LHCGR: variants seen among roughly 807,000 people sequenced by gnomAD.
LHCGR encodes luteinizing hormone/choriogonadotropin receptor.
A neutral mutation model predicts 60.7 loss-of-function variants in LHCGR; 55 were observed. That is an observed-to-expected ratio of 0.91 (90% CI 0.73 to 1.13). The LOEUF (loss-of-function observed/expected upper bound fraction) is 1.13. Ranked by LOEUF, LHCGR falls within the 50% of genes most tolerant of loss-of-function variation. The pLI is 0.00. For missense variants in LHCGR, 862 were observed against 836.0 expected, an observed-to-expected ratio of 1.03 and a Z score of -0.38; for synonymous variants, 337 against 316.5, an observed-to-expected ratio of 1.06 and a Z score of -0.69.
chr2:48,727,034 G>A lies in LHCGR; in HGVS notation c.309-1284C>T, dbSNP rs149529556. Among the ~76,000 whole-genome samples the A allele has an allele frequency of 6.8e-3, 1,031 of 152,190 alleles. 12 individuals carry two copies. The highest frequency in any genetic ancestry group is 0.024 in the African/African-American group (990 of 41,518). On this transcript the variant is annotated intron_variant, in intron 3 of 10. Coordinates refer to ENST00000294954, the MANE Select transcript of LHCGR (RefSeq NM_000233.4). ...TCAGCCCTTTTGATTCTTCAGATGT[G>A]AGTGATATTTTGTTGTAATTATTTC...
intron 6 of LHCGR, among the ~76,000 whole-genome samples, chr2:48,716,524 A>C (rs1371590038): frequency 6.6e-6 from 1 of 152,110 alleles, no homozygotes; most frequent in Non-Finnish European, 1.5e-5. Context: ...TCAGTTTCAC[A>C]TACTAGCTCT....
intron 6 of LHCGR, among the ~76,000 whole-genome samples, chr2:48,718,138 G>C (rs545286364): frequency 5.2e-4 from 79 of 152,036 alleles, no homozygotes; most frequent in African/African-American, 1.8e-3. Flanking sequence ...AATGAGGAAG[G>C]CTTCCTTTGC....
chr2:48,687,791 C>G lies in LHCGR; in HGVS notation c.2006G>C (p.Gly669Ala). The change falls in exon 11 of 11, where the codon GGA becomes GCA. Residue 669 changes from glycine to alanine, a missense_variant. Gly to Ala is a moderately conservative substitution (Grantham distance 60). Coordinates refer to ENST00000294954, the MANE Select transcript of LHCGR (RefSeq NM_000233.4). ...YTSNCKNGFT[G>A]SNKPSQSTLK... ...GGTGGATTGAGAAGGCTTATTTGATCCAGTGAAGCCATTTTTGCAGTTGGA... is the reference window on the plus strand; with the variant it reads ...GGTGGATTGAGAAGGCTTATTTGATGCAGTGAAGCCATTTTTGCAGTTGGA... 4.3e-6 allele frequency: 7 copies of G among 1,614,098 alleles called. No homozygotes were observed. The highest frequency in any genetic ancestry group is 5.9e-6 in the Non-Finnish European group (7 of 1,179,978).
chr2:48,708,498 T>C (rs565841174), intron 8 of LHCGR, among the ~76,000 whole-genome samples: 41 of 152,194 alleles, frequency 2.7e-4, no homozygotes, highest in South Asian at 8.3e-4. Context: ...TGGGCTCTAA[T>C]CCAATATGAC....
At chr2:48,718,212 A>G (rs971635850) in intron 6 of LHCGR, among the ~76,000 whole-genome samples, 2 of 152,138 alleles carry the variant, frequency 1.3e-5, no homozygotes, top group Admixed American at 6.5e-5. Flanking sequence ...CAACTTCTCT[A>G]TTACAATAGC....
At chr2:48,748,891 G>A (rs1051505393) in intron 1 of LHCGR, among the ~76,000 whole-genome samples, 2 of 152,174 alleles carry the variant, frequency 1.3e-5, no homozygotes, top group African/African-American at 4.8e-5. Flanking sequence ...CTAGAACCCA[G>A]TTCTGCCCAG....
At chr2:48,732,843 A>G (rs1393575753) in intron 1 of LHCGR, 1 of 533,980 alleles carries the variant, frequency 1.9e-6, no homozygotes, top group African/African-American at 1.9e-5. Context: ...TAGAAATGAT[A>G]TAACCTAGAG....
chr2:48,698,707 T>C lies in LHCGR; in HGVS notation c.774A>G (p.Lys258=), dbSNP rs781234388. ...TGACAAATGTTTCTCTTGATGGCAA[T>C]TTTTTTAGAGAATAGGATGACGTGG... The part of the protein sequence containing the change: ...LIATSSYSLK[K]LPSRETFVNL... The change falls in exon 9 of 11, where the codon AAA becomes AAG. Residue 258 remains lysine (K), a synonymous_variant. Transcript: ENST00000294954. 5.6e-6 allele frequency: 9 copies of C among 1,613,632 alleles called. No individual in the cohort carries two copies. In the South Asian group the frequency reaches 8.8e-5, roughly 16 times the overall value.
intron 6 of LHCGR, 75 bp from the exon 7 acceptor site, chr2:48,714,129 G>T: frequency 4.0e-6 from 4 of 999,350 alleles, no homozygotes; most frequent in Non-Finnish European, 6.4e-6. Flanking sequence ...TTTTCCTCCT[G>T]TAACATATAT....
chr2:48,703,956 G>T (rs540541857), intron 8 of LHCGR, among the ~76,000 whole-genome samples: 1 of 152,036 alleles, frequency 6.6e-6, no homozygotes, highest in Non-Finnish European at 1.5e-5. Context: ...GGGCATCCTT[G>T]TCTTGTGCCA....
At chr2:48,701,365 C>G (rs1475992379) in intron 8 of LHCGR, among the ~76,000 whole-genome samples, 1 of 152,126 alleles carries the variant, frequency 6.6e-6, no homozygotes, top group African/African-American at 2.4e-5. Flanking sequence ...ACGTCTCTGT[C>G]CTTATATTCT....
At chr2:48,737,969 C>T (rs1296122915) in intron 1 of LHCGR, among the ~76,000 whole-genome samples, 4 of 152,194 alleles carry the variant, frequency 2.6e-5, no homozygotes, top group Non-Finnish European at 5.9e-5. Flanking sequence ...TTTCTTCCTT[C>T]CTGGCTTGGT....
At chr2:48,694,352 G>C (rs776560359) in intron 9 of LHCGR, 48 bp from the exon 10 acceptor site, 1 of 1,143,782 alleles carries the variant, frequency 8.7e-7, no homozygotes, top group Admixed American at 1.9e-5. Flanking sequence ...TGGACTTCAG[G>C]CTAAACCTGA....
At position 48,753,913 on chromosome 2, in the gene LHCGR, C is replaced by T. The variant is rs144485450; in HGVS notation, c.161+1598G>A. On this transcript the variant is annotated intron_variant, in intron 1 of 10. Transcript: ENST00000294954. ...ATAGATAAAATCCTGAATTGCTATT[C>T]AATAGCTGTGAGACCTTGAGCAAGT... is the stretch of plus-strand genomic sequence containing the variant. Among the ~76,000 whole-genome samples, 26 of 152,192 alleles carry T rather than the reference C, an allele frequency of 1.7e-4. No individual in the cohort carries two copies. In the East Asian group the frequency reaches 5.0e-3, roughly 29 times the overall value.
chr2:48,742,834 A>G (rs1204601401), intron 1 of LHCGR, among the ~76,000 whole-genome samples: 6 of 152,040 alleles, frequency 3.9e-5, no homozygotes, highest in Admixed American at 2.0e-4. Context: ...GCAAGAAATA[A>G]CTAAAATCAG....
intron 6 of LHCGR, among the ~76,000 whole-genome samples, chr2:48,715,321 G>A (rs1668197462): frequency 6.6e-6 from 1 of 152,002 alleles, no homozygotes; most frequent in South Asian, 2.1e-4. Flanking sequence ...TGACCAAATG[G>A]GAATTTCTTA....
chr2:48,730,100 A>C (rs1315248493), intron 2 of LHCGR, among the ~76,000 whole-genome samples: 2 of 152,202 alleles, frequency 1.3e-5, no homozygotes, highest in Admixed American at 6.5e-5. Context: ...ACATTTGCTT[A>C]TTTCTAAGGT....
Position 48,688,769 on chromosome 2 carries a change from C to T in LHCGR, c.1028G>A (p.Cys343Tyr). ...YGFCLPKTPR[C>Y]APEPDAFNPC... Reference sequence around the variant, plus strand: ...ATTAAAAGCATCTGGTTCAGGAGCACATCGGGGTGTCTTGGGTAAGCAGAA... The same window carrying T: ...ATTAAAAGCATCTGGTTCAGGAGCATATCGGGGTGTCTTGGGTAAGCAGAA... The change falls in exon 11 of 11, where the codon TGT becomes TAT. Residue 343 changes from cysteine to tyrosine, a missense_variant. Coordinates refer to ENST00000294954, the MANE Select transcript of LHCGR (RefSeq NM_000233.4). The surrounding 1 kb of genome is among the most constrained non-coding windows in gnomAD (Gnocchi z 5.2). 1 of 1,614,132 alleles carries T rather than the reference C, an allele frequency of 6.2e-7. No individual in the cohort carries two copies. The highest frequency in any genetic ancestry group is 1.7e-5 in the Admixed American group (1 of 60,012).
chr2:48,697,750 G>C (rs760789419), intron 9 of LHCGR, among the ~76,000 whole-genome samples: 1 of 152,140 alleles, frequency 6.6e-6, no homozygotes, highest in Non-Finnish European at 1.5e-5. Flanking sequence ...TTAGGGCAGT[G>C]TTGTTCCAAC....
Sources: gnomAD v4.1 joint callset for allele counts (sites outside exome capture counted in the v4.1 genomes callset) on GRCh38, gnomAD v4.1.1 for gene constraint, Gnocchi (gnomAD v3.1) non-coding constraint, MANE v1.5 for transcripts, NCBI Gene and HGNC (gene_info 2026-07-23, HGNC 2026-07-21) for gene names.